The following TMEM181 variants were observed in gnomAD, a reference collection of about 807,000 sequenced individuals.
TMEM181 encodes the protein G protein-coupled receptor 178.
A neutral mutation model predicts 71.9 loss-of-function variants in TMEM181; 39 were observed. The ratio of observed to expected loss-of-function variants is 0.54; its 90% CI spans 0.42 to 0.71. The LOEUF (loss-of-function observed/expected upper bound fraction) is 0.71. Among genes scored for constraint, TMEM181 ranks in the 30% least tolerant of loss-of-function variants. TMEM181 has a pLI of 0.00. For missense variants in TMEM181, 595 were observed against 583.0 expected, an observed-to-expected ratio of 1.02 and a Z score of -0.21; for synonymous variants, 245 against 228.8, an observed-to-expected ratio of 1.07 and a Z score of -0.64.
At chr6:158,628,248 G>T (rs192435773) in intron 13 of TMEM181, 160 bp from the exon 14 acceptor site, 1 of 726,630 alleles carries the variant, frequency 1.4e-6, no homozygotes. Flanking sequence ...GTGTGCATGT[G>T]TGCATCTGTG....
intron 10 of TMEM181, among the ~76,000 whole-genome samples, chr6:158,616,533 T>C (rs997580889): frequency 8.6e-5 from 13 of 151,902 alleles, no homozygotes; most frequent in African/African-American, 3.1e-4. Flanking sequence ...TGAATAGGAG[T>C]GGTGAGAGAG....
intron 6 of TMEM181, among the ~76,000 whole-genome samples, chr6:158,601,779 G>A (rs534578526): frequency 1.1e-3 from 169 of 150,058 alleles, no homozygotes; most frequent in African/African-American, 3.9e-3. Context: ...AAAAAAACAA[G>A]GCTAAAAGGA....
chr6:158,628,608 C>G (rs1410858623), intron 14 of TMEM181, 118 bp downstream of exon 14: 1 of 818,034 alleles, frequency 1.2e-6, no homozygotes, highest in Non-Finnish European at 1.9e-6. Flanking sequence ...CCCTGTTCTC[C>G]GGAGGCCTCG....
rs1421955920 is a variant in TMEM181 at position 158,632,930 on chromosome 6, A to G, written c.*1042A>G. 1 of 152,154 alleles carries G rather than the reference A, an allele frequency of 6.6e-6. No homozygotes were observed. Among genetic ancestry groups the G allele is most frequent in the African/African-American group, 2.4e-5 (1 of 41,426 alleles). 9.4% of individuals were successfully genotyped at this position (152,154 alleles called of 1,614,324 possible). On this transcript the variant is annotated 3_prime_UTR_variant, in exon 17 of 17. Transcript: ENST00000684151. Reference sequence around the variant, plus strand: ...AAAACATTTAGAAAGTTGGCTGGGCATGCTGGGGCATGCCCATAGTCCCAG... The same window carrying G: ...AAAACATTTAGAAAGTTGGCTGGGCGTGCTGGGGCATGCCCATAGTCCCAG...
intron 13 of TMEM181, chr6:158,626,598 G>A (rs1786288038): frequency 2.2e-6 from 1 of 456,942 alleles, no homozygotes; most frequent in South Asian, 1.5e-5. Flanking sequence ...CCACCACTAG[G>A]AGTGTGAACT....
At chr6:158,541,093 G>C (rs557428637) in intron 1 of TMEM181, among the ~76,000 whole-genome samples, 1 of 152,134 alleles carries the variant, frequency 6.6e-6, no homozygotes, top group Non-Finnish European at 1.5e-5. Context: ...ATCTCTGCCA[G>C]GATGGAGAGC....
At chr6:158,538,825 G>A (rs1246039030) in intron 1 of TMEM181, among the ~76,000 whole-genome samples, 1 of 152,342 alleles carries the variant, frequency 6.6e-6, no homozygotes, top group East Asian at 1.9e-4. Context: ...AACCAGACAA[G>A]GAGGCAGGGA....
chr6:158,576,653 T>C (rs1562630652), intron 2 of TMEM181, among the ~76,000 whole-genome samples: 1 of 152,082 alleles, frequency 6.6e-6, no homozygotes, highest in East Asian at 1.9e-4. Flanking sequence ...ACAGAGACAG[T>C]CTATAACAAC....
intron 1 of TMEM181, among the ~76,000 whole-genome samples, chr6:158,562,838 CCATT>C (rs1782264910): frequency 6.6e-6 from 1 of 152,212 alleles, no homozygotes; most frequent in African/African-American, 2.4e-5. Context: ...CACCTTACAT[CCATT>C]GTTTCGTGGA....
intron 5 of TMEM181, among the ~76,000 whole-genome samples, chr6:158,585,831 T>C (rs551370750): frequency 6.6e-6 from 1 of 152,258 alleles, no homozygotes; most frequent in South Asian, 2.1e-4. Context: ...TTTTTTTGTT[T>C]TATTTTGTTT....
At chr6:158,606,121 G>A (rs1022888459) in intron 7 of TMEM181, among the ~76,000 whole-genome samples, 2 of 152,124 alleles carry the variant, frequency 1.3e-5, no homozygotes, top group Admixed American at 6.5e-5. Context: ...CTGCTGGAGC[G>A]AAGGGCGTGG....
chr6:158,548,767 G>A (rs759323919), intron 1 of TMEM181, among the ~76,000 whole-genome samples: 4 of 152,342 alleles, frequency 2.6e-5, no homozygotes, highest in East Asian at 1.9e-4. Context: ...AGAGGAGGAC[G>A]AATAAAGGCT....
At chr6:158,584,088 A>G (rs750549997) in intron 4 of TMEM181, 44 bp downstream of exon 4, 12 of 1,504,358 alleles carry the variant, frequency 8.0e-6, no homozygotes, top group Non-Finnish European at 1.1e-5. Context: ...TTATACGAAG[A>G]AACATCGTAT....
At chr6:158,564,836 T>C (rs1782394586) in intron 1 of TMEM181, among the ~76,000 whole-genome samples, 1 of 152,112 alleles carries the variant, frequency 6.6e-6, no homozygotes, top group Non-Finnish European at 1.5e-5. Flanking sequence ...TTATACAGAT[T>C]GGAAAAATAA....
chr6:158,628,385 C>G (rs1562316718), intron 13 of TMEM181, 23 bp from the exon 14 acceptor site: 4 of 1,612,656 alleles, frequency 2.5e-6, no homozygotes, highest in South Asian at 1.1e-5. Flanking sequence ...TACATATTGT[C>G]TCTGCTCCTC....
At chr6:158,577,331 T>C (rs1272809551) in intron 2 of TMEM181, among the ~76,000 whole-genome samples, 1 of 152,084 alleles carries the variant, frequency 6.6e-6, no homozygotes, top group South Asian at 2.1e-4. Flanking sequence ...CTAGAGTGAT[T>C]CAAAGGCAGA....
chr6:158,619,799 G>GC (rs1224252071), intron 10 of TMEM181, among the ~76,000 whole-genome samples: 3 of 151,054 alleles, frequency 2.0e-5, no homozygotes, highest in Non-Finnish European at 4.4e-5. Flanking sequence ...CACCTGGGAG[G>GC]CAGAGGTTGC....
intron 1 of TMEM181, among the ~76,000 whole-genome samples, chr6:158,553,415 C>T (rs1781777736): frequency 2.0e-5 from 3 of 152,200 alleles, no homozygotes; most frequent in African/African-American, 7.2e-5. Context: ...CTCTGTTAAC[C>T]ATTTTTATAG....
intron 2 of TMEM181, among the ~76,000 whole-genome samples, chr6:158,577,323 A>T (rs1184383966): frequency 6.6e-6 from 1 of 152,214 alleles, no homozygotes; most frequent in African/African-American, 2.4e-5. Flanking sequence ...AAAGTACGCT[A>T]GAGTGATTCA....
Sources: allele counts gnomAD v4.1 joint callset (sites outside exome capture counted in the v4.1 genomes callset), GRCh38; gene constraint gnomAD v4.1.1; transcripts MANE v1.5; gene names NCBI Gene and HGNC (gene_info 2026-07-23, HGNC 2026-07-21).